The following SPDYE10 variants were observed in gnomAD, a reference collection of about 807,000 sequenced individuals.
SPDYE10 encodes speedy protein E10.
chr7:73,139,719 C>T, the SPDYE10 span, among the ~76,000 whole-genome samples: 2 of 144,456 alleles, frequency 1.4e-5, no homozygotes, highest in African/African-American at 2.6e-5. Context: ...TGCAGTGGCG[C>T]GATCTCGGCT....
At chr7:73,134,431 T>C in the SPDYE10 span, among the ~76,000 whole-genome samples, 1 of 149,576 alleles carries the variant, frequency 6.7e-6, no homozygotes, top group Admixed American at 6.7e-5. Context: ...AATGATGAGT[T>C]AATGGGTGTA....
the SPDYE10 span, among the ~76,000 whole-genome samples, chr7:73,123,362 GT>G: frequency 2.0e-5 from 3 of 152,098 alleles, no homozygotes; most frequent in Non-Finnish European, 4.4e-5. Flanking sequence ...ACAACCATGG[GT>G]TTCCACATTC....
At chr7:73,139,726 G>C in the SPDYE10 span, among the ~76,000 whole-genome samples, 3 of 135,012 alleles carry the variant, frequency 2.2e-5, no homozygotes, top group African/African-American at 2.9e-5. Context: ...GCGCGATCTC[G>C]GCTCACTGCA....
the SPDYE10 span, among the ~76,000 whole-genome samples, chr7:73,147,506 G>GTT: frequency 1.4e-5 from 2 of 138,696 alleles, no homozygotes; most frequent in African/African-American, 5.8e-5. Flanking sequence ...TGTTTGTTTT[G>GTT]TTTTTTTGAG....
At chr7:73,113,776 C>A in the SPDYE10 span, among the ~76,000 whole-genome samples, 33 of 152,126 alleles carry the variant, frequency 2.2e-4, no homozygotes, top group East Asian at 5.2e-3. Flanking sequence ...TGGCTCATGC[C>A]TGTAATCCCA....
At chr7:73,122,598 G>GA in the SPDYE10 span, among the ~76,000 whole-genome samples, 15 of 133,000 alleles carry the variant, frequency 1.1e-4, no homozygotes, top group East Asian at 1.3e-3. Flanking sequence ...AAAAGAAAAA[G>GA]AAAAAAAAAA....
the SPDYE10 span, among the ~76,000 whole-genome samples, chr7:73,143,290 G>T: frequency 2.0e-5 from 3 of 152,064 alleles, no homozygotes; most frequent in Non-Finnish European, 4.4e-5. Context: ...TATTTGGCTC[G>T]TGGTTCTGCA....
At chr7:73,150,911 T>A in the SPDYE10 span, among the ~76,000 whole-genome samples, 880 of 7,898 alleles carry the variant, frequency 0.11, 42 homozygotes, top group African/African-American at 0.12. Context: ...AAAAAAAATA[T>A]ATATATATAT....
At chr7:73,140,953 A>T in the SPDYE10 span, among the ~76,000 whole-genome samples, 2 of 148,560 alleles carry the variant, frequency 1.3e-5, no homozygotes, top group Admixed American at 6.7e-5. Context: ...AAGTAAACTG[A>T]CCAGGTGTGG....
the SPDYE10 span, among the ~76,000 whole-genome samples, chr7:73,117,100 A>G: frequency 7.1e-6 from 1 of 140,872 alleles, no homozygotes; most frequent in African/African-American, 2.7e-5. Flanking sequence ...GTTTTTTAAG[A>G]TTGAGTCTTG....
the SPDYE10 span, among the ~76,000 whole-genome samples, chr7:73,151,650 C>T: frequency 3.0e-5 from 1 of 33,838 alleles, no homozygotes; most frequent in Non-Finnish European, 5.7e-5. Context: ...ACTAGGACTA[C>T]AGGTGCACGC....
chr7:73,126,527 AAAG>A, the SPDYE10 span, among the ~76,000 whole-genome samples: 16 of 138,458 alleles, frequency 1.2e-4, no homozygotes, highest in South Asian at 2.0e-3. Flanking sequence ...AAAAAAAAAA[AAAG>A]GAAAAGAAAG....
the SPDYE10 span, among the ~76,000 whole-genome samples, chr7:73,150,006 C>A: frequency 4.9e-3 from 38 of 7,760 alleles, no homozygotes; most frequent in Non-Finnish European, 7.8e-3. Context: ...TCTACCAGGA[C>A]GGTGCCCATC....
the SPDYE10 span, among the ~76,000 whole-genome samples, chr7:73,142,916 G>C: frequency 7.1e-6 from 1 of 140,800 alleles, no homozygotes. Flanking sequence ...CTGGGCAACA[G>C]AGCAAGACTC....
chr7:73,124,006 C>T, the SPDYE10 span, among the ~76,000 whole-genome samples: 3 of 150,552 alleles, frequency 2.0e-5, no homozygotes, highest in African/African-American at 4.9e-5. Flanking sequence ...TCAAGCAGTC[C>T]TCCTAGGTTC....
chr7:73,128,245 A>C, the SPDYE10 span, among the ~76,000 whole-genome samples: 1 of 148,338 alleles, frequency 6.7e-6, no homozygotes, highest in East Asian at 2.0e-4. Context: ...GATACATACA[A>C]TATGATACCA....
At chr7:73,137,343 G>A in the SPDYE10 span, among the ~76,000 whole-genome samples, 5 of 150,534 alleles carry the variant, frequency 3.3e-5, no homozygotes, top group East Asian at 3.9e-4. Context: ...GTGAAACCCC[G>A]TCTCTACTAA....
At chr7:73,113,944 T>C in the SPDYE10 span, among the ~76,000 whole-genome samples, 2 of 151,504 alleles carry the variant, frequency 1.3e-5, no homozygotes, top group Non-Finnish European at 2.9e-5. Flanking sequence ...GAGAATGGCG[T>C]GAACCCAGGA....
chr7:73,145,767 A>G, the SPDYE10 span, among the ~76,000 whole-genome samples: 1 of 142,570 alleles, frequency 7.0e-6, no homozygotes, highest in Non-Finnish European at 1.5e-5. Flanking sequence ...GACATGGGAA[A>G]TCATCAAAAT....
Sources: allele counts gnomAD v4.1 joint callset (sites outside exome capture counted in the v4.1 genomes callset), GRCh38; gene constraint gnomAD v4.1.1; transcripts MANE v1.5; gene names NCBI Gene and HGNC (gene_info 2026-07-23, HGNC 2026-07-21).